Variants in ARHGAP22 observed in about 807,000 individuals in gnomAD.
ARHGAP22 encodes the protein Rho GTPase activating protein 22.
Under a neutral mutation model 59.1 loss-of-function variants are expected in ARHGAP22, and 48 were observed. That is an observed-to-expected ratio of 0.81 (90% CI 0.64 to 1.03). The LOEUF is 1.03. Ranked by LOEUF, ARHGAP22 falls within the 50% of genes least tolerant of loss-of-function variation. The probability of loss-of-function intolerance (pLI) is 0.00; values close to 1 mark genes in which losing one functional copy is unlikely to be tolerated. For missense variants in ARHGAP22, 1,015 were observed against 958.7 expected (o/e 1.06, Z -0.78); for synonymous variants, 445 against 416.4 (o/e 1.07, Z -0.84).
chr10:48,552,256 C>A (rs552134562), intron 3 of ARHGAP22, among the ~76,000 whole-genome samples: 1 of 152,352 alleles, frequency 6.6e-6, no homozygotes, highest in East Asian at 1.9e-4. Flanking sequence ...TGTGGTGTGA[C>A]CAGTACCACA....
intron 1 of ARHGAP22, among the ~76,000 whole-genome samples, chr10:48,633,267 T>G (rs1390938840): frequency 6.6e-6 from 1 of 152,172 alleles, no homozygotes; most frequent in Non-Finnish European, 1.5e-5. Flanking sequence ...ACAATCTACC[T>G]TCCTCTGAGA....
intron 9 of ARHGAP22, among the ~76,000 whole-genome samples, chr10:48,449,735 C>T (rs1169912726): frequency 6.6e-6 from 1 of 152,224 alleles, no homozygotes; most frequent in African/African-American, 2.4e-5. Context: ...GATTGTAAGC[C>T]TCAGGGTGCA....
chr10:48,603,699 T>C (rs147331731), intron 1 of ARHGAP22, among the ~76,000 whole-genome samples: 8 of 152,304 alleles, frequency 5.3e-5, no homozygotes, highest in African/African-American at 1.9e-4. Flanking sequence ...CCTTTGCCCA[T>C]TGGGGTACAC....
Position 48,450,241 on chromosome 10 carries a change from T to A in ARHGAP22, c.1868+20A>T. 1.2e-5 allele frequency: 19 copies of A among 1,605,238 alleles called. No homozygotes were observed. Among genetic ancestry groups the A allele is most frequent in the Non-Finnish European group, 1.6e-5 (19 of 1,176,516 alleles). On this transcript the variant is annotated intron_variant, in intron 9 of 9. Coordinates refer to ENST00000249601, the MANE Select transcript of ARHGAP22 (RefSeq NM_021226.4). ...CAGGCTCCGCCCCGTCACAGGAGGC[T>A]CCACGGGGCAGCAAGTTACCTTTTC...
chr10:48,536,313 C>T (rs761424666), intron 3 of ARHGAP22, among the ~76,000 whole-genome samples: 17 of 152,156 alleles, frequency 1.1e-4, no homozygotes, highest in Non-Finnish European at 2.2e-4. Context: ...TGTGGAGCTG[C>T]CAGCAGGGGA....
chr10:48,578,341 G>T (rs536021795), intron 2 of ARHGAP22, among the ~76,000 whole-genome samples: 2 of 152,192 alleles, frequency 1.3e-5, no homozygotes, highest in Admixed American at 1.3e-4. Flanking sequence ...CATCCAGAAT[G>T]CTTTCTCCCC....
At chr10:48,573,069 T>C (rs1054222726) in intron 2 of ARHGAP22, among the ~76,000 whole-genome samples, 1 of 152,226 alleles carries the variant, frequency 6.6e-6, no homozygotes. Flanking sequence ...TCATCAGATA[T>C]ATAAAAGTTA....
chr10:48,634,296 T>G (rs778448116), intron 1 of ARHGAP22, among the ~76,000 whole-genome samples: 9 of 152,172 alleles, frequency 5.9e-5, no homozygotes, highest in Non-Finnish European at 1.2e-4. Flanking sequence ...GGCAAGTCAG[T>G]AAACTTCAGA....
At chr10:48,464,612 G>T (rs2133863269) in intron 4 of ARHGAP22, among the ~76,000 whole-genome samples, 1 of 152,316 alleles carries the variant, frequency 6.6e-6, no homozygotes, top group African/African-American at 2.4e-5. Flanking sequence ...GGCATGGTGG[G>T]GCTGAGGTGG....
intron 2 of ARHGAP22, among the ~76,000 whole-genome samples, chr10:48,571,759 CA>C (rs1413091536): frequency 6.6e-6 from 1 of 152,202 alleles, no homozygotes; most frequent in Non-Finnish European, 1.5e-5. Flanking sequence ...GTCACTGACA[CA>C]GTTGCATTTG....
At chr10:48,588,434 T>G (rs1459965368) in intron 1 of ARHGAP22, among the ~76,000 whole-genome samples, 1 of 152,260 alleles carries the variant, frequency 6.6e-6, no homozygotes, top group Non-Finnish European at 1.5e-5. Context: ...CTATGATTTA[T>G]TAATAACTGC....
chr10:48,592,632 T>G (rs1313043193), intron 1 of ARHGAP22, among the ~76,000 whole-genome samples: 2 of 152,196 alleles, frequency 1.3e-5, no homozygotes, highest in African/African-American at 2.4e-5. Context: ...TCTATATCTC[T>G]GCCTCATGGG....
chr10:48,563,276 C>T (rs531869571), intron 2 of ARHGAP22, among the ~76,000 whole-genome samples: 2 of 142,680 alleles, frequency 1.4e-5, no homozygotes, highest in Non-Finnish European at 3.0e-5. Context: ...TCACTACAAG[C>T]TCCGCCTCCT....
upstream of ARHGAP22, among the ~76,000 whole-genome samples, chr10:48,655,001 TTTC>T: frequency 9.4e-6 from 1 of 106,456 alleles, no homozygotes; most frequent in Non-Finnish European, 2.0e-5. Flanking sequence ...CCTCTCTCTC[TTTC>T]TTTCTCTTTC....
intron 7 of ARHGAP22, 104 bp downstream of exon 7, chr10:48,453,984 C>T (rs1039566074): frequency 8.1e-6 from 10 of 1,237,214 alleles, no homozygotes; most frequent in South Asian, 6.2e-5. Context: ...GGGGAATGAC[C>T]CGGGCCCCCC....
At chr10:48,493,305 TTCA>T (rs910557231) in intron 3 of ARHGAP22, 2 of 996,298 alleles carry the variant, frequency 2.0e-6, no homozygotes, top group Non-Finnish European at 3.0e-6. Flanking sequence ...CCTCCCAGTC[TTCA>T]TTCATGTCTT....
intron 2 of ARHGAP22, among the ~76,000 whole-genome samples, chr10:48,568,487 C>T (rs1228217489): frequency 6.6e-6 from 1 of 152,204 alleles, no homozygotes; most frequent in Non-Finnish European, 1.5e-5. Context: ...TCTGGCTGCC[C>T]ACGGCATTTG....
chr10:48,465,870 C>A (rs2047611361), intron 4 of ARHGAP22, among the ~76,000 whole-genome samples: 1 of 152,178 alleles, frequency 6.6e-6, no homozygotes, highest in Non-Finnish European at 1.5e-5. Flanking sequence ...CAAAACTCAC[C>A]ATCTTCCATG....
chr10:48,584,491 G>A (rs2135663002), intron 1 of ARHGAP22, among the ~76,000 whole-genome samples: 1 of 152,316 alleles, frequency 6.6e-6, no homozygotes, highest in South Asian at 2.1e-4. Context: ...GTGGCCCATG[G>A]CTGGTGATTA....
Sources: gnomAD v4.1 joint callset for allele counts (sites outside exome capture counted in the v4.1 genomes callset) on GRCh38, gnomAD v4.1.1 for gene constraint, MANE v1.5 for transcripts, NCBI Gene and HGNC (gene_info 2026-07-23, HGNC 2026-07-21) for gene names.